The following DLGAP1 variants were observed in gnomAD, a reference collection of about 807,000 sequenced individuals.
DLGAP1 encodes the protein DLG associated protein 1.
In DLGAP1, 11 loss-of-function variants were observed where a neutral mutation model predicts 90.8. That is an observed-to-expected ratio of 0.12 (90% CI 0.08 to 0.20). The LOEUF is 0.20. DLGAP1 is among the 10% of genes least tolerant of loss of function. The pLI is 1.00. For missense variants in DLGAP1, 1,050 were observed against 1,333.8 expected (o/e 0.79, Z 3.31); for synonymous variants, 558 against 540.7 (o/e 1.03, Z -0.44).
intron 2 of DLGAP1, among the ~76,000 whole-genome samples, chr18:4,026,291 T>C (rs992544945): frequency 1.3e-5 from 2 of 152,226 alleles, no homozygotes; most frequent in Non-Finnish European, 2.9e-5. Flanking sequence ...GTCATACAGA[T>C]GTCTAGGTTT....
At chr18:4,159,341 C>T (rs953446323) in intron 1 of DLGAP1, among the ~76,000 whole-genome samples, 4 of 152,170 alleles carry the variant, frequency 2.6e-5, no homozygotes, top group Non-Finnish European at 5.9e-5. Context: ...ACTCTGCTTT[C>T]CTTCTCCAAT....
At chr18:4,142,379 C>A (rs1351807685) in intron 2 of DLGAP1, among the ~76,000 whole-genome samples, 1 of 152,140 alleles carries the variant, frequency 6.6e-6, no homozygotes, top group African/African-American at 2.4e-5. Context: ...GTCCAATTAA[C>A]AACATTACCA....
At chr18:3,696,198 T>A (rs1216285067) in intron 7 of DLGAP1, among the ~76,000 whole-genome samples, 1 of 152,202 alleles carries the variant, frequency 6.6e-6, no homozygotes, top group Non-Finnish European at 1.5e-5. Flanking sequence ...TTCTTTCTCT[T>A]GCCTGATTGC....
intron 3 of DLGAP1, among the ~76,000 whole-genome samples, chr18:3,906,665 T>G (rs548202796): frequency 6.6e-6 from 1 of 152,356 alleles, no homozygotes; most frequent in Non-Finnish European, 1.5e-5. Flanking sequence ...AAAGGTTGGA[T>G]AGACATGAGC....
chr18:3,571,623 G>C (rs976179269), intron 8 of DLGAP1: 2 of 151,878 alleles, frequency 1.3e-5, no homozygotes, highest in Non-Finnish European at 2.9e-5. Flanking sequence ...CGCCTCGGGG[G>C]TTCAAGCCAT....
intron 1 of DLGAP1, among the ~76,000 whole-genome samples, chr18:4,340,409 T>C (rs2081164576): frequency 6.6e-6 from 1 of 152,196 alleles, no homozygotes. Flanking sequence ...ATTTCTGGAA[T>C]TTTCCATTTC....
chr18:3,803,555 G>T (rs1427927163), intron 5 of DLGAP1, among the ~76,000 whole-genome samples: 1 of 152,204 alleles, frequency 6.6e-6, no homozygotes, highest in African/African-American at 2.4e-5. Flanking sequence ...TTCTGGGAAA[G>T]AGGTGTGGTC....
intron 7 of DLGAP1, among the ~76,000 whole-genome samples, chr18:3,627,926 G>A (rs12957988): frequency 0.22 from 30,175 of 139,532 alleles, 3,369 homozygotes; most frequent in East Asian, 0.25. Flanking sequence ...TGTCCAGGCC[G>A]GAGTGCAATG....
chr18:4,305,905 T>G (rs1126251), intron 1 of DLGAP1, among the ~76,000 whole-genome samples: 121,888 of 151,678 alleles, frequency 0.8, 53,295 homozygotes, highest in Non-Finnish European at 0.96. Flanking sequence ...TTGGCATGAT[T>G]ATTATTTTTT....
chr18:4,265,572 CTTTT>C (rs1435036564), intron 1 of DLGAP1, among the ~76,000 whole-genome samples: 1 of 127,394 alleles, frequency 7.8e-6, no homozygotes, highest in Non-Finnish European at 1.6e-5. Context: ...CTTTCCTTTC[CTTTT>C]TCTTTGTTTC....
At chr18:3,679,968 G>A (rs552411374) in intron 7 of DLGAP1, 1 of 151,970 alleles carries the variant, frequency 6.6e-6, no homozygotes, top group South Asian at 2.1e-4. Flanking sequence ...TTACAGACGT[G>A]AGCCACCATG....
intron 1 of DLGAP1, among the ~76,000 whole-genome samples, chr18:4,417,835 C>T (rs2082936454): frequency 6.6e-6 from 1 of 152,170 alleles, no homozygotes; most frequent in Admixed American, 6.6e-5. Flanking sequence ...GAGGGATACA[C>T]TGTCTGTCTA....
intron 1 of DLGAP1, among the ~76,000 whole-genome samples, chr18:4,219,027 G>GTTTTTTTTTTTTTT (rs34333673): frequency 1.1e-5 from 1 of 92,020 alleles, no homozygotes; most frequent in African/African-American, 4.4e-5. Context: ...TTCTATCTTT[G>GTTTTTTTTTTTTTT]TTTTTTTTTT....
chr18:3,879,682 C>A lies in DLGAP1; in HGVS notation c.387G>T (p.Glu129Asp). 2 of 1,607,352 alleles carry A rather than the reference C, an allele frequency of 1.2e-6. No homozygotes were observed. The highest frequency in any genetic ancestry group is 1.7e-6 in the Non-Finnish European group (2 of 1,179,690). ...TGCGGCCGGGGCTGTCGCTGCGGTG[C>A]TCCACGGCCGTGCGCTTGTACTGCA... is the stretch of plus-strand genomic sequence containing the variant. ...HTLQYKRTAV[E>D]HRSDSPGRIR... is the part of the protein sequence containing the mutation. The change falls in exon 4 of 13, where the codon GAG (glutamate) becomes GAT (aspartate). Residue 129 changes from glutamate to aspartate, a missense_variant. Glu to Asp is a conservative substitution (Grantham distance 45). Transcript: ENST00000315677. This position sits in a 1 kb window ranked among gnomAD's most constrained non-coding sequence, Gnocchi z 6.6.
rs11387946 is a variant in DLGAP1 at position 4,369,815 on chromosome 18, TAAAAAA to T, written c.-267+85185_-267+85190del. On this transcript the variant is annotated intron_variant, in intron 1 of 12. Coordinates refer to ENST00000315677, the MANE Select transcript of DLGAP1 (RefSeq NM_004746.4). ...AAAGGTTGAAAGGAGAAAGTCTTAG[TAAAAAA>T]AAAAAAAAAAAAAAAAAAGGCGGGG... Among the ~76,000 whole-genome samples the T allele has an allele frequency of 4.8e-3, 355 of 74,658 alleles. 4 individuals are homozygous for T. Among genetic ancestry groups the T allele is most frequent in the African/African-American group, 0.015 (306 of 20,322 alleles). The allele number at this position is 74,658 out of a possible 152,430, so 49.0% of individuals were successfully genotyped here.
chr18:3,869,846 G>T (rs919659677), intron 4 of DLGAP1, among the ~76,000 whole-genome samples: 2 of 152,170 alleles, frequency 1.3e-5, no homozygotes, highest in African/African-American at 2.4e-5. Flanking sequence ...TACAAACTTG[G>T]AATATTTTCA....
At chr18:3,591,823 C>T (rs1303530694) in intron 7 of DLGAP1, among the ~76,000 whole-genome samples, 1 of 152,012 alleles carries the variant, frequency 6.6e-6, no homozygotes, top group East Asian at 1.9e-4. Context: ...GTATAAGTCC[C>T]CAAAGGAACA....
At chr18:4,005,804 C>G (rs745488398) in intron 2 of DLGAP1, among the ~76,000 whole-genome samples, 4 of 152,220 alleles carry the variant, frequency 2.6e-5, no homozygotes. Flanking sequence ...TTCTCACTCT[C>G]TAACCTCTTC....
chr18:4,295,000 G>C (rs2079941795), intron 1 of DLGAP1: 1 of 152,414 alleles, frequency 6.6e-6, no homozygotes, highest in Non-Finnish European at 1.5e-5. Flanking sequence ...CTTGTTTCCT[G>C]TCTCCTCATC....
Sources: gnomAD v4.1 joint callset for allele counts (sites outside exome capture counted in the v4.1 genomes callset) on GRCh38, gnomAD v4.1.1 for gene constraint, Gnocchi (gnomAD v3.1) non-coding constraint, MANE v1.5 for transcripts, NCBI Gene and HGNC (gene_info 2026-07-23, HGNC 2026-07-21) for gene names.